SENP6: variants seen among roughly 807,000 people sequenced by gnomAD.
The protein encoded by SENP6 is sentrin-specific protease 6.
Under a neutral mutation model 134.5 loss-of-function variants are expected in SENP6, and 41 were observed. That is an observed-to-expected ratio of 0.30 (90% CI 0.24 to 0.40). The LOEUF (loss-of-function observed/expected upper bound fraction) is 0.40. Ranked by LOEUF, SENP6 falls within the 10% of genes least tolerant of loss-of-function variation. SENP6 has a pLI of 1.00. For missense variants in SENP6, 1,248 were observed against 1,312.5 expected, an observed-to-expected ratio of 0.95 and a Z score of 0.76; for synonymous variants, 395 against 429.8, an observed-to-expected ratio of 0.92 and a Z score of 1.00.
rs557591208 is a variant in SENP6, at chr6:75,689,422, C to CA, written c.2076-6373dup. Among the ~76,000 whole-genome samples the CA allele has an allele frequency of 5.8e-3, 874 of 149,922 alleles. 9 individuals carry two copies. The highest frequency in any genetic ancestry group is 0.019 in the African/African-American group (762 of 40,858). On this transcript the variant is annotated intron_variant, in intron 16 of 23. Coordinates refer to ENST00000447266, the MANE Select transcript of SENP6 (RefSeq NM_015571.4). ...AGGATGGCTACTATTAAAACAAAAA[C>CA]AAAAAAAAACAGAAAATAAGTGTTG... is the stretch of plus-strand genomic sequence containing the variant.
intron 1 of SENP6, 31 bp from the exon 2 acceptor site, chr6:75,621,501 G>A (rs779683222): frequency 6.4e-6 from 8 of 1,258,300 alleles, no homozygotes; most frequent in Non-Finnish European, 9.3e-6. Context: ...CTCTATTAAT[G>A]AATACTTACT....
At chr6:75,610,041 G>C (rs1767327682) in intron 1 of SENP6, among the ~76,000 whole-genome samples, 1 of 152,176 alleles carries the variant, frequency 6.6e-6, no homozygotes, top group South Asian at 2.1e-4. Flanking sequence ...ACCTACTTCA[G>C]CCTCCCAGAG....
At chr6:75,626,920 T>TC (rs1202546088) in intron 3 of SENP6, among the ~76,000 whole-genome samples, 1 of 152,176 alleles carries the variant, frequency 6.6e-6, no homozygotes, top group East Asian at 1.9e-4. Context: ...GGTTTTTTTT[T>TC]CCCTCTGCAA....
chr6:75,609,671 T>A (rs1041561865), intron 1 of SENP6, among the ~76,000 whole-genome samples: 17 of 152,222 alleles, frequency 1.1e-4, no homozygotes, highest in Admixed American at 9.8e-4. Flanking sequence ...TTGGACAGTT[T>A]GGGAAGCTAA....
intron 3 of SENP6, among the ~76,000 whole-genome samples, chr6:75,624,383 A>C (rs571380353): frequency 6.6e-6 from 1 of 152,268 alleles, no homozygotes; most frequent in South Asian, 2.1e-4. Context: ...TCTGTAAATT[A>C]GCCTTCTATA....
chr6:75,667,571 A>C (rs143567916), intron 10 of SENP6, among the ~76,000 whole-genome samples: 101 of 152,326 alleles, frequency 6.6e-4, no homozygotes, highest in African/African-American at 2.4e-3. Flanking sequence ...TAAAAAATCA[A>C]TTAATATGTG....
intron 19 of SENP6, 56 bp from the exon 20 acceptor site, chr6:75,709,471 T>A: frequency 8.4e-7 from 1 of 1,197,014 alleles, no homozygotes; most frequent in Non-Finnish European, 1.2e-6. Context: ...CAGCCTCATA[T>A]ACTATGAGTG....
intron 6 of SENP6, among the ~76,000 whole-genome samples, chr6:75,642,893 A>G (rs549190968): frequency 6.6e-6 from 1 of 152,334 alleles, no homozygotes; most frequent in African/African-American, 2.4e-5. Context: ...AGCAAGGTCT[A>G]GGAGTTGGGG....
chr6:75,662,771 C>A (rs1403391372), intron 8 of SENP6, among the ~76,000 whole-genome samples: 1 of 152,008 alleles, frequency 6.6e-6, no homozygotes, highest in Non-Finnish European at 1.5e-5. Context: ...GTTTTAGTAT[C>A]AATTTTATGA....
chr6:75,650,157 G>A (rs1770760243), intron 7 of SENP6, among the ~76,000 whole-genome samples: 1 of 152,160 alleles, frequency 6.6e-6, no homozygotes, highest in South Asian at 2.1e-4. Flanking sequence ...CTTAGGATTA[G>A]ATTAAGGCTA....
chr6:75,602,929 C>T (rs542664073), intron 1 of SENP6, among the ~76,000 whole-genome samples: 1 of 152,276 alleles, frequency 6.6e-6, no homozygotes, highest in South Asian at 2.1e-4. Context: ...GTCTGGTGTT[C>T]ATGAAAAGTT....
chr6:75,658,641 G>A (rs764078781), intron 7 of SENP6, among the ~76,000 whole-genome samples: 1 of 151,810 alleles, frequency 6.6e-6, no homozygotes, highest in Non-Finnish European at 1.5e-5. Context: ...ATTCTCTTGC[G>A]TGTTCCAAAG....
At position 75,715,562 on chromosome 6, in the gene SENP6, A is replaced by G. The variant is rs562447479; in HGVS notation, c.3307A>G (p.Thr1103Ala). The change falls in exon 24 of 24, where the codon ACA becomes GCA. Residue 1103 changes from threonine to alanine, a missense_variant. Coordinates refer to ENST00000447266, the MANE Select transcript of SENP6 (RefSeq NM_015571.4). ...AACAGAAGCACCTTTAGGCGAAGGA[A>G]CAGAACAATATGTCAATAGTATCTC... Reference protein sequence around the residue: ...YSTEAPLGEGTEQYVNSISD With the variant: ...YSTEAPLGEGAEQYVNSISD 2.9e-5 allele frequency: 46 copies of G among 1,612,938 alleles called. No individual in the cohort carries two copies. In the East Asian group the frequency reaches 6.5e-4, roughly 23 times the overall value.
chr6:75,628,750 C>A (rs1768887627), intron 3 of SENP6, among the ~76,000 whole-genome samples: 1 of 152,160 alleles, frequency 6.6e-6, no homozygotes, highest in Non-Finnish European at 1.5e-5. Context: ...GACAGAATCT[C>A]ACTCTGTCTA....
intron 7 of SENP6, among the ~76,000 whole-genome samples, chr6:75,649,618 A>G (rs1459268951): frequency 6.6e-6 from 1 of 152,024 alleles, no homozygotes; most frequent in Non-Finnish European, 1.5e-5. Flanking sequence ...CCCGGGTTCA[A>G]ATAATTCTCT....
intron 7 of SENP6, among the ~76,000 whole-genome samples, chr6:75,650,198 ATGT>A (rs1250490572): frequency 3.3e-5 from 5 of 152,142 alleles, no homozygotes; most frequent in African/African-American, 1.2e-4. Context: ...CACAGAAATG[ATGT>A]TGTGGCATTC....
chr6:75,604,821 C>T (rs1447820444), intron 1 of SENP6, among the ~76,000 whole-genome samples: 2 of 151,962 alleles, frequency 1.3e-5, no homozygotes, highest in Admixed American at 6.6e-5. Context: ...GCCTGTAATC[C>T]CAACAATTTG....
intron 5 of SENP6, among the ~76,000 whole-genome samples, chr6:75,639,987 T>G (rs1397488647): frequency 6.6e-6 from 1 of 152,232 alleles, no homozygotes; most frequent in African/African-American, 2.4e-5. Flanking sequence ...GATTTAACCA[T>G]TCCCTTATTA....
chr6:75,631,854 C>A (rs1582713877), intron 3 of SENP6, among the ~76,000 whole-genome samples: 1 of 152,242 alleles, frequency 6.6e-6, no homozygotes, highest in East Asian at 1.9e-4. Flanking sequence ...TCCGGAGGCC[C>A]CCTTAAAGAC....
Sources: gnomAD v4.1 joint callset for allele counts (sites outside exome capture counted in the v4.1 genomes callset) on GRCh38, gnomAD v4.1.1 for gene constraint, MANE v1.5 for transcripts, NCBI Gene and HGNC (gene_info 2026-07-23, HGNC 2026-07-21) for gene names.